The following FBXL7 variants were observed in gnomAD, a reference collection of about 807,000 sequenced individuals.
The protein encoded by FBXL7 is F-box/LRR-repeat protein 7.
A neutral mutation model predicts 38.3 loss-of-function variants in FBXL7; 12 were observed. The observed-to-expected ratio is 0.31, with a 90% CI of 0.20 to 0.51. The LOEUF is 0.51. Among genes scored for constraint, FBXL7 ranks in the 20% least tolerant of loss-of-function variants. The pLI is 0.98. For synonymous variants in FBXL7, 297 were observed against 300.9 expected, an observed-to-expected ratio of 0.99 and a Z score of 0.13; for missense variants, 567 against 676.4, an observed-to-expected ratio of 0.84 and a Z score of 1.79.
chr5:15,894,304 A>G (rs1365916536), intron 2 of FBXL7, among the ~76,000 whole-genome samples: 1 of 152,204 alleles, frequency 6.6e-6, no homozygotes, highest in African/African-American at 2.4e-5. Flanking sequence ...AAAAAAGAAT[A>G]TCAGTCCCAG....
At chr5:15,664,869 T>C (rs552496901) in intron 2 of FBXL7, among the ~76,000 whole-genome samples, 2 of 18,258 alleles carry the variant, frequency 1.1e-4, no homozygotes, top group Admixed American at 1.9e-3. Flanking sequence ...TAGTAAATTT[T>C]TTCAGTTTTT....
At chr5:15,786,255 G>A (rs1260546607) in intron 2 of FBXL7, among the ~76,000 whole-genome samples, 1 of 152,106 alleles carries the variant, frequency 6.6e-6, no homozygotes, top group East Asian at 1.9e-4. Flanking sequence ...TGAGGGGGGT[G>A]TTTCCTCCTT....
intron 2 of FBXL7, among the ~76,000 whole-genome samples, chr5:15,725,027 T>C (rs1239878037): frequency 6.6e-6 from 1 of 152,210 alleles, no homozygotes; most frequent in Admixed American, 6.5e-5. Context: ...TCTTGATCCC[T>C]GTCAGTAAAA....
At chr5:15,813,666 C>T (rs998004990) in intron 2 of FBXL7, among the ~76,000 whole-genome samples, 1 of 151,992 alleles carries the variant, frequency 6.6e-6, no homozygotes, top group Non-Finnish European at 1.5e-5. Flanking sequence ...AAAATTTTTG[C>T]AATCTACCCA....
At chr5:15,874,090 C>G (rs1740094452) in intron 2 of FBXL7, among the ~76,000 whole-genome samples, 1 of 152,178 alleles carries the variant, frequency 6.6e-6, no homozygotes, top group South Asian at 2.1e-4. Context: ...TCAGCTTCAT[C>G]CCTGGGATGC....
chr5:15,615,901 G>T, intron 1 of FBXL7, 82 bp from the exon 2 acceptor site: 1 of 844,886 alleles, frequency 1.2e-6, no homozygotes. Flanking sequence ...TGGTGATATG[G>T]CTTGCTGTGG....
rs60269538 is a variant in FBXL7, at chr5:15,929,625, G to GA, written c.739+1144dup. On this transcript the variant is annotated intron_variant, in intron 3 of 3. Coordinates refer to ENST00000504595, the MANE Select transcript of FBXL7 (RefSeq NM_012304.5). ...GAGGACAGAGTGAGACCCTGTCTCT[G>GA]AAAAAAAAAAAAAAAAAAAAGAAAA... Among the ~76,000 whole-genome samples, 523 of 113,298 alleles carry GA rather than the reference G, an allele frequency of 4.6e-3. 3 individuals are homozygous for GA. The highest frequency in any genetic ancestry group is 9.8e-3 in the South Asian group (34 of 3,478). The allele number at this position is 113,298 out of a possible 152,430, so 74.3% of individuals were successfully genotyped here.
intron 2 of FBXL7, among the ~76,000 whole-genome samples, chr5:15,669,193 AAAAG>A (rs1384472691): frequency 6.6e-6 from 1 of 152,194 alleles, no homozygotes; most frequent in Non-Finnish European, 1.5e-5. Flanking sequence ...TTTTTTTAAA[AAAAG>A]GAATGGAACT....
intron 2 of FBXL7, among the ~76,000 whole-genome samples, chr5:15,655,346 A>G (rs1037753821): frequency 3.3e-5 from 5 of 152,026 alleles, no homozygotes; most frequent in African/African-American, 1.2e-4. Flanking sequence ...AAATACAAAA[A>G]TTAATTGTGC....
At chr5:15,759,797 C>G (rs1736392553) in intron 2 of FBXL7, among the ~76,000 whole-genome samples, 2 of 152,048 alleles carry the variant, frequency 1.3e-5, no homozygotes, top group South Asian at 4.2e-4. Flanking sequence ...AGTCTCTGCC[C>G]CCATGGAGAT....
At chr5:15,572,847 A>C (rs1738836201) in intron 1 of FBXL7, among the ~76,000 whole-genome samples, 1 of 152,174 alleles carries the variant, frequency 6.6e-6, no homozygotes, top group Non-Finnish European at 1.5e-5. Context: ...TACACCCCCA[A>C]GATACCAGTA....
intron 2 of FBXL7, among the ~76,000 whole-genome samples, chr5:15,895,415 T>C (rs1480944379): frequency 6.6e-6 from 1 of 152,080 alleles, no homozygotes; most frequent in Non-Finnish European, 1.5e-5. Flanking sequence ...CAGGGCATAA[T>C]TGGCACTCTC....
chr5:15,685,743 C>T (rs1742997165), intron 2 of FBXL7, among the ~76,000 whole-genome samples: 2 of 152,184 alleles, frequency 1.3e-5, no homozygotes, highest in South Asian at 4.1e-4. Context: ...GGTAGCAATG[C>T]CTTCCTCACA....
chr5:15,524,041 A>G (rs1737181797), intron 1 of FBXL7, among the ~76,000 whole-genome samples: 1 of 152,206 alleles, frequency 6.6e-6, no homozygotes, highest in Non-Finnish European at 1.5e-5. Context: ...TAGGGGTTTA[A>G]TTTAGATAGT....
intron 1 of FBXL7, among the ~76,000 whole-genome samples, chr5:15,597,495 TAAAAA>T (rs35742221): frequency 8.7e-6 from 1 of 114,908 alleles, no homozygotes; most frequent in African/African-American, 3.3e-5. Flanking sequence ...TATCATTTTG[TAAAAA>T]AAAAAAAAAA....
chr5:15,927,863 T>C (rs747296766), intron 2 of FBXL7, 27 bp from the exon 3 acceptor site: 4 of 1,500,370 alleles, frequency 2.7e-6, no homozygotes, highest in Non-Finnish European at 1.8e-6. Flanking sequence ...CCATCATGAT[T>C]AACCTTTGTT....
chr5:15,541,402 A>T (rs1185285748), intron 1 of FBXL7, among the ~76,000 whole-genome samples: 1 of 137,118 alleles, frequency 7.3e-6, no homozygotes, highest in African/African-American at 2.8e-5. Context: ...ATATCCATAT[A>T]TATGTGTATA....
intron 2 of FBXL7, among the ~76,000 whole-genome samples, chr5:15,739,219 C>T (rs1457616453): frequency 6.6e-6 from 1 of 152,146 alleles, no homozygotes; most frequent in South Asian, 2.1e-4. Context: ...ATTTCAGACT[C>T]CTTGCTGCTG....
rs556490475 is a variant in FBXL7 at position 15,845,007 on chromosome 5, C to A, written c.128-82883C>A. ...AATCTGTCCTTCTTTGCATAGGACA[C>A]GTCTCAGCCTCCAGCTTAGCCATCG... On this transcript the variant is annotated intron_variant, in intron 2 of 3. Transcript: ENST00000504595. 7.9e-5 allele frequency among the ~76,000 whole-genome samples: 12 copies of A among 152,306 alleles called. No individual in the cohort carries two copies. In the South Asian group the frequency reaches 2.3e-3, roughly 29 times the overall value.
Sources: allele counts gnomAD v4.1 joint callset (sites outside exome capture counted in the v4.1 genomes callset), GRCh38; gene constraint gnomAD v4.1.1; transcripts MANE v1.5; gene names NCBI Gene and HGNC (gene_info 2026-07-23, HGNC 2026-07-21).